The following ABCA13 variants were observed in gnomAD, a reference collection of about 807,000 sequenced individuals.
ABCA13 encodes the protein ATP-binding cassette sub-family A member 13.
ABCA13 carries 476 observed loss-of-function variants against 478.7 expected under a neutral mutation model. The observed-to-expected ratio is 0.99, with a 90% confidence interval of 0.92 to 1.07. ABCA13 has a LOEUF of 1.07. ABCA13 is among the 50% of genes least tolerant of loss of function. The pLI is 0.00. For missense variants in ABCA13, 6,060 were observed against 5,910.6 expected, an observed-to-expected ratio of 1.03 and a Z score of -0.83; for synonymous variants, 2,252 against 2,158.9, an observed-to-expected ratio of 1.04 and a Z score of -1.20.
chr7:48,242,101 GA>G (rs1486639285), intron 10 of ABCA13, among the ~76,000 whole-genome samples: 2 of 152,004 alleles, frequency 1.3e-5, no homozygotes, highest in African/African-American at 2.4e-5. Flanking sequence ...TGGGGATATT[GA>G]AAACCTCCCT....
chr7:48,183,988 G>T (rs1400496104), intron 1 of ABCA13, among the ~76,000 whole-genome samples: 2 of 152,108 alleles, frequency 1.3e-5, no homozygotes, highest in East Asian at 1.9e-4. Flanking sequence ...GAATTAATAT[G>T]GTTCAATTTA....
At chr7:48,584,073 C>T (rs1254918303) in intron 56 of ABCA13, among the ~76,000 whole-genome samples, 2 of 152,142 alleles carry the variant, frequency 1.3e-5, no homozygotes, top group African/African-American at 2.4e-5. Flanking sequence ...CTTGCATTCT[C>T]AGGTGCATTT....
intron 42 of ABCA13, among the ~76,000 whole-genome samples, chr7:48,441,643 T>C (rs1451760597): frequency 1.3e-5 from 2 of 152,226 alleles, no homozygotes; most frequent in African/African-American, 2.4e-5. Flanking sequence ...AGTCACTTCT[T>C]CATGGAGAAA....
At chr7:48,578,677 A>G (rs1227673260) in intron 55 of ABCA13, among the ~76,000 whole-genome samples, 1 of 152,194 alleles carries the variant, frequency 6.6e-6, no homozygotes, top group Non-Finnish European at 1.5e-5. Flanking sequence ...TCCCAGTGTT[A>G]CTTTGTGGAT....
chr7:48,343,935 C>T (rs1807652500), intron 29 of ABCA13, among the ~76,000 whole-genome samples: 1 of 152,108 alleles, frequency 6.6e-6, no homozygotes, highest in Non-Finnish European at 1.5e-5. Context: ...ATTTTTACCT[C>T]TCTATAAAAA....
chr7:48,303,390 T>G (rs932722685), intron 23 of ABCA13, among the ~76,000 whole-genome samples: 7 of 152,228 alleles, frequency 4.6e-5, no homozygotes, highest in African/African-American at 1.7e-4. Flanking sequence ...TTCTGGCATC[T>G]TCATCATGAA....
At chr7:48,191,849 A>G (rs1378190424) in intron 1 of ABCA13, among the ~76,000 whole-genome samples, 1 of 152,248 alleles carries the variant, frequency 6.6e-6, no homozygotes, top group Non-Finnish European at 1.5e-5. Flanking sequence ...GCAATGGGAT[A>G]TGACCATGGC....
intron 40 of ABCA13, 27 bp downstream of exon 40, chr7:48,410,704 C>G (rs1417072830): frequency 1.3e-6 from 2 of 1,594,772 alleles, no homozygotes; most frequent in African/African-American, 2.7e-5. Context: ...TTCTATCTCA[C>G]TGAAGTCCCA....
intron 57 of ABCA13, among the ~76,000 whole-genome samples, chr7:48,588,853 G>C (rs1407811610): frequency 2.0e-5 from 3 of 152,198 alleles, no homozygotes; most frequent in Non-Finnish European, 4.4e-5. Context: ...GTGATTCTCA[G>C]AGCTGACATC....
At chr7:48,362,409 C>CTTTTTTTT (rs35795708) in intron 31 of ABCA13, among the ~76,000 whole-genome samples, 226 of 85,756 alleles carry the variant, frequency 2.6e-3, no homozygotes, top group Middle Eastern at 0.015. Flanking sequence ...TCCTCTTCTT[C>CTTTTTTTT]TTTTTTTTTT....
At chr7:48,611,006 G>A (rs969335882) in intron 58 of ABCA13, among the ~76,000 whole-genome samples, 5 of 152,176 alleles carry the variant, frequency 3.3e-5, no homozygotes, top group African/African-American at 1.2e-4. Flanking sequence ...TTAACATTCA[G>A]CTCTTCTTTA....
In ABCA13 at chr7:48,372,388, C is replaced by T; in HGVS notation, c.11024C>T (p.Ala3675Val). Reference protein sequence around the residue: ...SYLLSAFFSQANTAALCTSLV... With the variant: ...SYLLSAFFSQVNTAALCTSLV... ...CTCTTGAGTGCATTTTTCAGCCAAGCTAATACAGCGGCCCTTTGTACCAGC... is the reference window on the plus strand; with the variant it reads ...CTCTTGAGTGCATTTTTCAGCCAAGTTAATACAGCGGCCCTTTGTACCAGC... The change falls in exon 33 of 62, where the codon GCT (alanine) becomes GTT (valine). Residue 3675 changes from alanine to valine, a missense_variant. Ala to Val is a moderately conservative substitution (Grantham distance 64). Around this residue, in one of 3 missense-constraint regions of ABCA13, gnomAD observed 4,423 missense variants for 4,309.1 expected, o/e 1.03. Transcript: ENST00000435803. 6.2e-7 allele frequency: 1 copy of T among 1,613,928 alleles called. No homozygotes were observed. Among genetic ancestry groups the T allele is most frequent in the East Asian group, 2.2e-5 (1 of 44,880 alleles).
Position 48,619,749 on chromosome 7 carries a change from A to G in ABCA13, c.14837+4372A>G, listed in dbSNP as rs533905242. Among the ~76,000 whole-genome samples the G allele has an allele frequency of 2.4e-4, 37 of 152,274 alleles. 2 individuals are homozygous for G. The South Asian group carries it at 5.2e-3, about 21-fold the overall frequency. ...ATCAAAGAAGGAGGAAGACACATCC[A>G]GTTTGTTGGTAAAGGGCGATTTCCT... On this transcript the variant is annotated intron_variant, in intron 59 of 61. Transcript: ENST00000435803.
intron 5 of ABCA13, 81 bp from the exon 6 acceptor site, chr7:48,227,181 C>T: frequency 6.7e-7 from 1 of 1,501,952 alleles, no homozygotes; most frequent in South Asian, 1.2e-5. Flanking sequence ...AATTTTGCAC[C>T]TTTGTAGCAT....
chr7:48,412,555 A>C lies in ABCA13; in HGVS notation c.12431A>C (p.Tyr4144Ser), dbSNP rs557668906. The C allele has an allele frequency of 1.9e-6, 3 of 1,611,586 alleles. No individual in the cohort carries two copies. The highest frequency in any genetic ancestry group is 1.3e-5 in the African/African-American group (1 of 74,580). Residue 4144 changes from tyrosine to serine, a missense_variant, in exon 41 of 62, where the codon TAT becomes TCT. Tyr to Ser is a moderately radical substitution (Grantham distance 144, BLOSUM62 -2). Transcript: ENST00000435803. The part of the protein sequence containing the change: ...ENLHQLHLTG[Y>S]GISDTTLEEV... Reference sequence around the variant, plus strand: ...CTGCATCAGCTGCACCTGACGGGCTATGGGATCTCAGACACCACCTTAGAA... The same window carrying C: ...CTGCATCAGCTGCACCTGACGGGCTCTGGGATCTCAGACACCACCTTAGAA...
Position 48,411,027 on chromosome 7 carries a change from C to T in ABCA13, c.12228+350C>T, listed in dbSNP as rs1004723440. ...TCTTTCTTTCTTTCTTTCTTTCTTT[C>T]TTTCTTTCTTTCTTTCTTTCTTTTT... is the stretch of plus-strand genomic sequence containing the variant. On this transcript the variant is annotated intron_variant, in intron 40 of 61. Coordinates refer to ENST00000435803, the MANE Select transcript of ABCA13 (RefSeq NM_152701.5). 2.1e-3 allele frequency among the ~76,000 whole-genome samples: 247 copies of T among 115,692 alleles called. 4 individuals are homozygous for T. Among genetic ancestry groups the T allele is most frequent in the African/African-American group, 7.0e-3 (219 of 31,298 alleles). 75.9% of individuals were successfully genotyped at this position (115,692 alleles called of 152,430 possible). A position where few individuals can be genotyped will look rare whatever the true frequency, so the allele number is the denominator to read the frequency against.
intron 31 of ABCA13, among the ~76,000 whole-genome samples, chr7:48,362,795 T>C (rs888892002): frequency 6.6e-6 from 1 of 152,096 alleles, no homozygotes; most frequent in Non-Finnish European, 1.5e-5. Context: ...TTGTCCATCA[T>C]GCAATTTTAG....
rs1442703481 is a variant in ABCA13, at chr7:48,411,259, C to G, written c.12228+582C>G. Reference sequence around the variant, plus strand: ...TTTCTTTCTCTTTCTGTTTCTCTTTCCTTCCTTTCCTCCCTCCCTCCTCCT... The same window carrying G: ...TTTCTTTCTCTTTCTGTTTCTCTTTGCTTCCTTTCCTCCCTCCCTCCTCCT... On this transcript the variant is annotated intron_variant, in intron 40 of 61. Transcript: ENST00000435803. Among the ~76,000 whole-genome samples the G allele has an allele frequency of 1.5e-5, 2 of 134,278 alleles. 1 individual carries two copies. The highest frequency in any genetic ancestry group is 1.6e-4 in the Admixed American group (2 of 12,736). The allele number at this position is 134,278 out of a possible 152,430, so 88.1% of individuals were successfully genotyped here.
In ABCA13 at chr7:48,219,342, TTC is replaced by T. The variant is rs2128962337; in HGVS notation, c.288-10_288-9del. The T allele has an allele frequency of 6.3e-7, 1 of 1,595,286 alleles. No individual in the cohort carries two copies. The highest frequency in any genetic ancestry group is 1.2e-5 in the South Asian group (1 of 86,412). On this transcript the variant is annotated splice_polypyrimidine_tract_variant and intron_variant, in intron 3 of 61. Coordinates refer to ENST00000435803, the MANE Select transcript of ABCA13 (RefSeq NM_152701.5). Reference sequence around the variant, plus strand: ...TAAAGAGTTTCACTTGCAGTATTTATTCTGTTTAAAGTTTGTCTAGGTTCCAA... The same window carrying T: ...TAAAGAGTTTCACTTGCAGTATTTATTGTTTAAAGTTTGTCTAGGTTCCAA...
Sources: allele counts gnomAD v4.1 joint callset (sites outside exome capture counted in the v4.1 genomes callset), GRCh38; gene constraint gnomAD v4.1.1; regional missense constraint gnomAD v4.1.1; transcripts MANE v1.5; gene names NCBI Gene and HGNC (gene_info 2026-07-23, HGNC 2026-07-21).